The following CACNB2 variants were observed in gnomAD, a reference collection of about 807,000 sequenced individuals.
CACNB2 encodes calcium voltage-gated channel auxiliary subunit beta 2.
CACNB2 carries 42 observed loss-of-function variants against 73.3 expected under a neutral mutation model. The observed-to-expected ratio is 0.57, with a 90% CI of 0.45 to 0.74. CACNB2 has a LOEUF of 0.74. Ranked by LOEUF, CACNB2 falls within the 30% of genes least tolerant of loss-of-function variation. CACNB2 has a pLI of 0.00. For synonymous variants in CACNB2, 348 were observed against 310.3 expected, an observed-to-expected ratio of 1.12 and a Z score of -1.28; for missense variants, 940 against 853.0, an observed-to-expected ratio of 1.10 and a Z score of -1.27.
intron 2 of CACNB2, among the ~76,000 whole-genome samples, chr10:18,249,338 G>A (rs542034244): frequency 2.6e-5 from 4 of 152,070 alleles, no homozygotes; most frequent in Non-Finnish European, 5.9e-5. Flanking sequence ...TGTGATCTCT[G>A]TTGAAGTGTC....
At chr10:18,202,217 G>C (rs2034911390) in intron 2 of CACNB2, among the ~76,000 whole-genome samples, 2 of 152,192 alleles carry the variant, frequency 1.3e-5, no homozygotes, top group African/African-American at 2.4e-5. Flanking sequence ...GAATTTGGAA[G>C]CCATCACAGT....
Position 18,541,067 on chromosome 10 carries a change from G to T in CACNB2, c.*1343G>T, listed in dbSNP as rs2054045472. 2 of 152,606 alleles carry T rather than the reference G, an allele frequency of 1.3e-5. No homozygotes were observed. The highest frequency in any genetic ancestry group is 2.4e-5 in the African/African-American group (1 of 41,434). The allele number at this position is 152,606 out of a possible 1,614,324, so 9.5% of individuals were successfully genotyped here. On this transcript the variant is annotated 3_prime_UTR_variant, in exon 14 of 14. Coordinates refer to ENST00000324631, the MANE Select transcript of CACNB2 (RefSeq NM_201596.3). ...TTAGTAAGAAATGTTTACACAGCTT[G>T]TGGAATTATTTCGTGGGAAAATAAA...
chr10:18,459,491 G>A (rs1564572841), intron 3 of CACNB2, among the ~76,000 whole-genome samples: 2 of 152,210 alleles, frequency 1.3e-5, no homozygotes, highest in South Asian at 2.1e-4. Context: ...GCTTTACACA[G>A]CCATACAGTG....
At chr10:18,229,219 A>G (rs1295369362) in intron 2 of CACNB2, among the ~76,000 whole-genome samples, 1 of 152,234 alleles carries the variant, frequency 6.6e-6, no homozygotes, top group African/African-American at 2.4e-5. Context: ...TAATTAAGGA[A>G]AGGAGATCAG....
At chr10:18,319,978 C>T (rs994503518) in intron 2 of CACNB2, among the ~76,000 whole-genome samples, 5 of 152,172 alleles carry the variant, frequency 3.3e-5, no homozygotes, top group South Asian at 4.2e-4. Context: ...CCAGACAGAC[C>T]GGGAGGGACA....
intron 2 of CACNB2, among the ~76,000 whole-genome samples, chr10:18,360,467 T>G (rs560533305): frequency 6.6e-6 from 1 of 152,260 alleles, no homozygotes; most frequent in African/African-American, 2.4e-5. Context: ...CAAGGGATCC[T>G]CAGGCCTCAG....
chr10:18,140,686 G>T lies in CACNB2; in HGVS notation c.-51G>T. On this transcript the variant is annotated 5_prime_UTR_variant, in exon 1 of 14. Transcript: ENST00000324631. ...GCGGGGAGGCGGGGGCGAGGAGGAG[G>T]GGACCCGCCGCCGGGGGCTGGCTGC... 2 of 1,520,662 alleles carry T rather than the reference G, an allele frequency of 1.3e-6. No homozygotes were observed. Among genetic ancestry groups the T allele is most frequent in the South Asian group, 2.4e-5 (2 of 84,852 alleles). 94.2% of individuals were successfully genotyped at this position (1,520,662 alleles called of 1,614,324 possible). A position where few individuals can be genotyped will look rare whatever the true frequency, so the allele number is the denominator to read the frequency against.
chr10:18,470,598 T>A (rs1351516778), intron 3 of CACNB2, among the ~76,000 whole-genome samples: 1 of 152,024 alleles, frequency 6.6e-6, no homozygotes, highest in Non-Finnish European at 1.5e-5. Context: ...TAAACCTGCT[T>A]CAGTTGCATT....
intron 2 of CACNB2, among the ~76,000 whole-genome samples, chr10:18,364,677 C>A (rs915769341): frequency 3.9e-5 from 6 of 152,122 alleles, no homozygotes; most frequent in African/African-American, 1.4e-4. Flanking sequence ...TCATCTCCTG[C>A]CTGTTCTACA....
chr10:18,222,656 G>T (rs1349300819), intron 2 of CACNB2, among the ~76,000 whole-genome samples: 1 of 152,200 alleles, frequency 6.6e-6, no homozygotes, highest in Non-Finnish European at 1.5e-5. Context: ...ATGTGAAATG[G>T]CCAGGCACAG....
intron 2 of CACNB2, among the ~76,000 whole-genome samples, chr10:18,325,861 C>A (rs1423960935): frequency 6.6e-6 from 1 of 151,970 alleles, no homozygotes. Flanking sequence ...CCTCTCACCT[C>A]AGCCTCCTGA....
intron 2 of CACNB2, among the ~76,000 whole-genome samples, chr10:18,160,426 G>T (rs10828280): frequency 0.48 from 72,182 of 151,654 alleles, 17,489 homozygotes; most frequent in East Asian, 0.58. Context: ...ACTTTCCACC[G>T]ATACCTCATT....
chr10:18,320,243 T>C (rs2040350435), intron 2 of CACNB2, among the ~76,000 whole-genome samples: 2 of 152,202 alleles, frequency 1.3e-5, no homozygotes, highest in South Asian at 2.1e-4. Flanking sequence ...TTCTACCAGA[T>C]TGGAAGCTGT....
At chr10:18,242,527 A>T (rs773389148) in intron 2 of CACNB2, among the ~76,000 whole-genome samples, 2 of 152,230 alleles carry the variant, frequency 1.3e-5, no homozygotes, top group South Asian at 4.1e-4. Flanking sequence ...AAATAAGTTG[A>T]AAAGGTATGT....
intron 2 of CACNB2, among the ~76,000 whole-genome samples, chr10:18,332,547 T>G (rs2040846363): frequency 6.6e-6 from 1 of 152,162 alleles, no homozygotes. Flanking sequence ...ATTCCAGGAC[T>G]ACAGAATAAG....
chr10:18,483,929 A>G (rs1015652208), intron 3 of CACNB2, among the ~76,000 whole-genome samples: 4 of 152,204 alleles, frequency 2.6e-5, no homozygotes, highest in Admixed American at 1.3e-4. Flanking sequence ...ACAATTACTG[A>G]GTGGAACCGC....
In CACNB2 at chr10:18,539,242, G is replaced by C; in HGVS notation, c.1501G>C (p.Asp501His). The change falls in exon 14 of 14, where the codon GAT becomes CAT. Residue 501 changes from aspartate (D) to histidine (H), a missense_variant. Physicochemically the swap from Asp to His is moderately conservative, Grantham distance 81. Transcript: ENST00000324631. ...LASNSQGSQGDQRTDRSAPIR... is the reference protein window; with the variant it reads ...LASNSQGSQGHQRTDRSAPIR... ...CTTTCGCTGCCAGGGTTCTCAAGGT[G>C]ATCAGAGGACTGATCGCTCCGCTCC... is the stretch of plus-strand genomic sequence containing the variant. The C allele has an allele frequency of 1.9e-6, 3 of 1,614,000 alleles. No homozygotes were observed. Among genetic ancestry groups the C allele is most frequent in the East Asian group, 2.2e-5 (1 of 44,860 alleles).
intron 2 of CACNB2, among the ~76,000 whole-genome samples, chr10:18,316,450 T>C (rs2040186949): frequency 7.3e-6 from 1 of 136,850 alleles, no homozygotes; most frequent in African/African-American, 2.7e-5. Flanking sequence ...AGGTCTTTCT[T>C]TTTTTCTTCC....
chr10:18,321,825 A>G (rs991210895), intron 2 of CACNB2, among the ~76,000 whole-genome samples: 8 of 151,964 alleles, frequency 5.3e-5, no homozygotes, highest in African/African-American at 1.7e-4. Flanking sequence ...CTCTTTTTGA[A>G]TTGTTTTTGG....
Sources: allele counts gnomAD v4.1 joint callset (sites outside exome capture counted in the v4.1 genomes callset), GRCh38; gene constraint gnomAD v4.1.1; transcripts MANE v1.5; gene names NCBI Gene and HGNC (gene_info 2026-07-23, HGNC 2026-07-21).